IQCH: variants seen among roughly 807,000 people sequenced by gnomAD.
The protein encoded by IQCH is IQ domain-containing protein H.
Under a neutral mutation model 117.0 loss-of-function variants are expected in IQCH, and 98 were observed. That is an observed-to-expected ratio of 0.84 (90% CI 0.71 to 0.99). The LOEUF is 0.99. IQCH is among the 50% of genes least tolerant of loss of function. IQCH has a pLI of 0.00. For missense variants in IQCH, 1,102 were observed against 1,243.8 expected (o/e 0.89, Z 1.72); for synonymous variants, 412 against 448.2 (o/e 0.92, Z 1.02).
rs116522864 is a variant in IQCH at position 67,377,591 on chromosome 15, C to T, written c.1372+4158C>T. Among the ~76,000 whole-genome samples the T allele has an allele frequency of 5.2e-3, 785 of 152,290 alleles. 6 individuals are homozygous for T. Among genetic ancestry groups the T allele is most frequent in the African/African-American group, 0.018 (740 of 41,558 alleles). ...ATTTAACCCCTGTGCTTCTTTACTG[C>T]AGCACATCACTTGGTGCTACGTATA... On this transcript the variant is annotated intron_variant, in intron 10 of 20. Transcript: ENST00000335894.
intron 4 of IQCH, among the ~76,000 whole-genome samples, chr15:67,306,641 A>G (rs991141380): frequency 2.0e-5 from 3 of 152,098 alleles, no homozygotes; most frequent in African/African-American, 4.8e-5. Context: ...CATTGAAAAC[A>G]CATATACCCC....
At chr15:67,304,386 C>A in intron 4 of IQCH, 3 of 1,534,686 alleles carry the variant, frequency 2.0e-6, no homozygotes, top group South Asian at 2.4e-5. Flanking sequence ...CTGAAAACAT[C>A]CACCACAGAG....
At chr15:67,396,893 G>A (rs565016470) in intron 13 of IQCH, among the ~76,000 whole-genome samples, 1 of 152,324 alleles carries the variant, frequency 6.6e-6, no homozygotes, top group Non-Finnish European at 1.5e-5. Flanking sequence ...TCTTGTTAGA[G>A]TATTCTTGGG....
In IQCH at chr15:67,372,608, G is replaced by T; in HGVS notation, c.1251G>T (p.Lys417Asn). ...ATTGCCATAAGACTCGACTAAAGAA[G>T]ATACTAAAGGAATCACGTCAGAGAC... ...LLYCHKTRLK[K>N]ILKESRQRHL... The change falls in exon 9 of 21, where the codon AAG becomes AAT. Residue 417 changes from lysine (K) to asparagine (N), a missense_variant. Physicochemically the swap from Lys to Asn is moderately conservative, Grantham distance 94. This residue lies in a region of IQCH where 650 missense variants were observed against 794.3 expected (regional missense o/e 0.82). Transcript: ENST00000335894. 6.2e-7 allele frequency: 1 copy of T among 1,613,398 alleles called. No individual in the cohort carries two copies. The highest frequency in any genetic ancestry group is 8.5e-7 in the Non-Finnish European group (1 of 1,179,762).
intron 4 of IQCH, among the ~76,000 whole-genome samples, chr15:67,299,212 A>G (rs1265772984): frequency 1.3e-5 from 2 of 152,174 alleles, no homozygotes; most frequent in African/African-American, 4.8e-5. Flanking sequence ...TGGAAGCTAA[A>G]AATTAAAACA....
chr15:67,304,378 GA>G, intron 4 of IQCH: 5 of 1,534,132 alleles, frequency 3.3e-6, no homozygotes, highest in Non-Finnish European at 4.4e-6. Flanking sequence ...GCAGGATCCT[GA>G]AAACATCCAC....
At chr15:67,371,012 T>G (rs1970511930) in intron 8 of IQCH, among the ~76,000 whole-genome samples, 1 of 151,484 alleles carries the variant, frequency 6.6e-6, no homozygotes, top group African/African-American at 2.4e-5. Context: ...ATGCGAAGAG[T>G]AATAATAACC....
chr15:67,319,730 G>C (rs1392147747), intron 4 of IQCH, among the ~76,000 whole-genome samples: 2 of 152,122 alleles, frequency 1.3e-5, no homozygotes, highest in African/African-American at 4.8e-5. Flanking sequence ...GAGCATATTA[G>C]AGACATTGTC....
At chr15:67,269,950 C>A (rs1264584664) in intron 3 of IQCH, among the ~76,000 whole-genome samples, 1 of 152,168 alleles carries the variant, frequency 6.6e-6, no homozygotes, top group Admixed American at 6.5e-5. Context: ...AAACATGGGA[C>A]TGGAAATCTC....
Position 67,465,381 on chromosome 15 carries a change from C to A in IQCH, c.2676+84C>A. 1.4e-6 allele frequency: 2 copies of A among 1,400,144 alleles called. No homozygotes were observed. The highest frequency in any genetic ancestry group is 2.0e-6 in the Non-Finnish European group (2 of 1,020,714). 86.7% of individuals were successfully genotyped at this position (1,400,144 alleles called of 1,614,324 possible). A position where few individuals can be genotyped will look rare whatever the true frequency, so the allele number is the denominator to read the frequency against. ...CTGAGCTCTGTCTAGGAGCCAGGAT[C>A]TTTGAGTACAGGAAGAAGAAAGAGC... On this transcript the variant is annotated intron_variant, in intron 17 of 20. Transcript: ENST00000335894. The surrounding 1 kb of genome is among the most constrained non-coding windows in gnomAD (Gnocchi z 5.9).
intron 16 of IQCH, among the ~76,000 whole-genome samples, chr15:67,437,474 C>T (rs565868385): frequency 2.2e-4 from 33 of 152,236 alleles, no homozygotes; most frequent in Admixed American, 9.2e-4. Context: ...GAAAACCAAC[C>T]CTGGTAATAT....
chr15:67,281,721 A>G, intron 4 of IQCH: 1 of 454,506 alleles, frequency 2.2e-6, no homozygotes, highest in Non-Finnish European at 4.4e-6. Context: ...TTGCAAGACC[A>G]CTTCTGTTTG....
Position 67,467,785 on chromosome 15 carries a change from T to C in IQCH, c.2676+2488T>C, listed in dbSNP as rs1443783220. ...GCAGTTGACAGCCCCCTTTGAAGAC[T>C]GAAGGAGAAGAAAATGCACAGATGA... On this transcript the variant is annotated intron_variant, in intron 17 of 20. Coordinates refer to ENST00000335894, the MANE Select transcript of IQCH (RefSeq NM_001031715.3). The surrounding 1 kb of genome is among the most constrained non-coding windows in gnomAD (Gnocchi z 5.7). Among the ~76,000 whole-genome samples the C allele has an allele frequency of 1.3e-5, 2 of 152,200 alleles. No individual in the cohort carries two copies. The highest frequency in any genetic ancestry group is 3.2e-3 in the Middle Eastern group (1 of 316).
chr15:67,493,055 A>G lies in IQCH; in HGVS notation c.2862-1203A>G, dbSNP rs560080610. Among the ~76,000 whole-genome samples, 20 of 152,272 alleles carry G rather than the reference A, an allele frequency of 1.3e-4. No homozygotes were observed. In the South Asian group the frequency reaches 2.7e-3, roughly 21 times the overall value. ...TAGTTTCAATGGCAGAAATAGTCCT[A>G]TTGGTGTACCTTCTAGATGGTTATT... On this transcript the variant is annotated intron_variant, in intron 19 of 20. Transcript: ENST00000335894. This position sits in a 1 kb window ranked among gnomAD's most constrained non-coding sequence, Gnocchi z 5.1.
In IQCH at chr15:67,431,431, T is replaced by G. The variant is rs562711138; in HGVS notation, c.2505+9854T>G. 1.9e-3 allele frequency among the ~76,000 whole-genome samples: 284 copies of G among 152,020 alleles called. No homozygotes were observed. Among genetic ancestry groups the G allele is most frequent in the Non-Finnish European group, 3.0e-3 (204 of 67,972 alleles). ...TTCCCACTTATAAGTGGGAGCTAAATGATGAGAATACAGGGACACATAGAG... is the reference window on the plus strand; with the variant it reads ...TTCCCACTTATAAGTGGGAGCTAAAGGATGAGAATACAGGGACACATAGAG... On this transcript the variant is annotated intron_variant, in intron 16 of 20. Transcript: ENST00000335894. The surrounding 1 kb of genome is among the most constrained non-coding windows in gnomAD (Gnocchi z 4.8).
chr15:67,358,177 TTTTTTAA>T (rs1969982303), intron 7 of IQCH, among the ~76,000 whole-genome samples: 1 of 69,516 alleles, frequency 1.4e-5, no homozygotes, highest in Non-Finnish European at 3.1e-5. Context: ...TTTTTTTTTC[TTTTTTAA>T]CCATCATGAG....
rs1230884213 is a variant in IQCH at position 67,390,362 on chromosome 15, G to A, written c.1632+1356G>A. On this transcript the variant is annotated intron_variant, in intron 12 of 20. Transcript: ENST00000335894. The surrounding 1 kb of genome is among the most constrained non-coding windows in gnomAD (Gnocchi z 5.0). ...TTGATCTAATGGCTGCTAACTGCTA[G>A]TAAGGAGTTTCTGCACATCTGAAAT... Among the ~76,000 whole-genome samples, 3 of 152,298 alleles carry A rather than the reference G, an allele frequency of 2.0e-5. No individual in the cohort carries two copies. Among genetic ancestry groups the A allele is most frequent in the African/African-American group, 7.2e-5 (3 of 41,570 alleles).
chr15:67,254,865 C>G lies in IQCH; in HGVS notation c.-32C>G. 1 of 1,609,668 alleles carries G rather than the reference C, an allele frequency of 6.2e-7. No individual in the cohort carries two copies. Among genetic ancestry groups the G allele is most frequent in the Non-Finnish European group, 8.5e-7 (1 of 1,177,414 alleles). On this transcript the variant is annotated 5_prime_UTR_variant, in exon 1 of 21. Coordinates refer to ENST00000335894, the MANE Select transcript of IQCH (RefSeq NM_001031715.3). Reference sequence around the variant, plus strand: ...AGGTTTCCGTGCTTGGAAACCGCGCCTCCGCGGAGGTAGCCGTTCCCTGAC... The same window carrying G: ...AGGTTTCCGTGCTTGGAAACCGCGCGTCCGCGGAGGTAGCCGTTCCCTGAC...
At position 67,368,687 on chromosome 15, in the gene IQCH, C is replaced by T. The variant is rs147176007; in HGVS notation, c.754-3424C>T. Among the ~76,000 whole-genome samples, 239 of 152,292 alleles carry T rather than the reference C, an allele frequency of 1.6e-3. 2 individuals are homozygous for T. The highest frequency in any genetic ancestry group is 5.6e-3 in the African/African-American group (233 of 41,560). On this transcript the variant is annotated intron_variant, in intron 8 of 20. Transcript: ENST00000335894. ...TCTAGGCAATGGAATGATTATCATT[C>T]TCTAAAGATGATATCCATGTGGTAT...
Sources: allele counts gnomAD v4.1 joint callset (sites outside exome capture counted in the v4.1 genomes callset), GRCh38; gene constraint gnomAD v4.1.1; regional missense constraint gnomAD v4.1.1; non-coding constraint Gnocchi (gnomAD v3.1); transcripts MANE v1.5; gene names NCBI Gene and HGNC (gene_info 2026-07-23, HGNC 2026-07-21).